ZNF30: variants seen among roughly 807,000 people sequenced by gnomAD.
ZNF30 encodes the protein zinc finger protein 30 (KOX 28).
In ZNF30, 15 loss-of-function variants were observed where a neutral mutation model predicts 13.2. The ratio of observed to expected loss-of-function variants is 1.13; its 90% CI spans 0.76 to 1.75. The LOEUF (loss-of-function observed/expected upper bound fraction) is 1.75, where lower values mean the gene tolerates loss of function less well. ZNF30 is among the 40% of genes most tolerant of loss of function. The pLI, the probability that ZNF30 is intolerant of heterozygous loss-of-function variation, is 0.00. For missense variants in ZNF30, 726 were observed against 757.0 expected (o/e 0.96, Z 0.48); for synonymous variants, 223 against 256.6 (o/e 0.87, Z 1.25).
At chr19:34,943,009 A>G (rs951223450) in intron 4 of ZNF30, among the ~76,000 whole-genome samples, 1 of 152,102 alleles carries the variant, frequency 6.6e-6, no homozygotes, top group Non-Finnish European at 1.5e-5. Context: ...ATCCACACCT[A>G]AATGAAAACT....
chr19:34,925,513 C>T (rs553606170), upstream of ZNF30, among the ~76,000 whole-genome samples: 5 of 152,192 alleles, frequency 3.3e-5, no homozygotes, highest in Admixed American at 6.5e-5. Flanking sequence ...TGTCTTCTTC[C>T]GCCAACATGT....
chr19:34,929,620 A>G (rs1012049647), intron 1 of ZNF30, among the ~76,000 whole-genome samples: 3 of 152,172 alleles, frequency 2.0e-5, no homozygotes, highest in East Asian at 1.9e-4. Flanking sequence ...GTGCAACCCA[A>G]TTTGAGACCT....
chr19:34,930,955 A>T (rs2012415131), intron 2 of ZNF30, among the ~76,000 whole-genome samples: 1 of 152,078 alleles, frequency 6.6e-6, no homozygotes, highest in Admixed American at 6.5e-5. Flanking sequence ...AGATGAACAG[A>T]TTACCAGAAC....
intron 1 of ZNF30, among the ~76,000 whole-genome samples, chr19:34,928,074 G>C (rs1003918188): frequency 6.6e-6 from 1 of 151,522 alleles, no homozygotes; most frequent in South Asian, 2.1e-4. Flanking sequence ...GCATGGTGGC[G>C]TGCGCTTGTA....
At chr19:34,932,766 A>G (rs1218747740) in intron 3 of ZNF30, among the ~76,000 whole-genome samples, 3 of 150,660 alleles carry the variant, frequency 2.0e-5, no homozygotes, top group African/African-American at 4.9e-5. Flanking sequence ...GTTCTCAATC[A>G]CAATGTCATA....
intron 4 of ZNF30, among the ~76,000 whole-genome samples, chr19:34,934,286 G>A (rs2012610924): frequency 6.6e-6 from 1 of 152,134 alleles, no homozygotes. Flanking sequence ...TTTTGAGTGA[G>A]ACAGTCTTCT....
intron 4 of ZNF30, among the ~76,000 whole-genome samples, chr19:34,940,667 CAAAAAAA>C (rs59553578): frequency 0.015 from 943 of 63,994 alleles, 10 homozygotes; most frequent in African/African-American, 0.043. Flanking sequence ...GACTCCGTCT[CAAAAAAA>C]AAAAAAAAAA....
At chr19:34,941,036 T>G (rs2013020319) in intron 4 of ZNF30, among the ~76,000 whole-genome samples, 1 of 152,246 alleles carries the variant, frequency 6.6e-6, no homozygotes, top group African/African-American at 2.4e-5. Flanking sequence ...ATAATATTTC[T>G]TGCTTGAAAG....
At chr19:34,928,252 T>TATATATAGATAG (rs1325117057) in intron 1 of ZNF30, among the ~76,000 whole-genome samples, 30 of 56,564 alleles carry the variant, frequency 5.3e-4, no homozygotes, top group African/African-American at 1.7e-3. Context: ...TATATATATA[T>TATATATAGATAG]ATAGATAGAT....
Position 34,933,674 on chromosome 19 carries a change from G to A in ZNF30, c.207G>A (p.Trp69Ter), listed in dbSNP as rs1214648860. ...ATGTGATCGCCTTATTGGAACAATG[G>A]AAAGAGCCTGAAGTGACAGTGAGGA... is the stretch of plus-strand genomic sequence containing the variant. ...KPHVIALLEQ[W>*]KEPEVTVRKD... Residue 69 changes from tryptophan (W) to a stop codon, truncating the protein, a stop_gained, in exon 4 of 5, where the codon TGG becomes TGA. Transcript: ENST00000601142. LOFTEE classifies it low-confidence loss of function (END_TRUNC). 15 of 1,599,944 alleles carry A rather than the reference G, an allele frequency of 9.4e-6. No homozygotes were observed. The highest frequency in any genetic ancestry group is 1.2e-5 in the Non-Finnish European group (14 of 1,172,998).
chr19:34,926,794 C>A (rs995987150), upstream of ZNF30: 4 of 395,706 alleles, frequency 1.0e-5, no homozygotes, highest in Non-Finnish European at 1.8e-5. Context: ...CCTCAGGTGT[C>A]AGACGCCCCA....
At chr19:34,935,700 G>GTTTTTTTTTT (rs142285130) in intron 4 of ZNF30, among the ~76,000 whole-genome samples, 5 of 84,218 alleles carry the variant, frequency 5.9e-5, no homozygotes, top group Non-Finnish European at 6.7e-5. Context: ...GTTGTCTATA[G>GTTTTTTTTTT]TTTTTTTTTT....
intron 1 of ZNF30, among the ~76,000 whole-genome samples, chr19:34,928,132 G>A (rs1250235603): frequency 6.6e-6 from 1 of 150,776 alleles, no homozygotes; most frequent in East Asian, 1.9e-4. Context: ...TTGAAGCTGG[G>A]AGGCGGCGGA....
intron 4 of ZNF30, among the ~76,000 whole-genome samples, chr19:34,939,951 A>C (rs960418376): frequency 6.6e-6 from 1 of 152,350 alleles, no homozygotes; most frequent in East Asian, 1.9e-4. Context: ...GTTTTATAAA[A>C]AGGTGTAGTA....
chr19:34,926,577 TTC>T (rs2151659671), upstream of ZNF30, among the ~76,000 whole-genome samples: 1 of 152,372 alleles, frequency 6.6e-6, no homozygotes, highest in South Asian at 2.1e-4. Context: ...CCTATTAATA[TTC>T]TGTTAAATAA....
At position 34,944,150 on chromosome 19, in the gene ZNF30, C is replaced by A; in HGVS notation, c.1184C>A (p.Thr395Asn). 6.2e-7 allele frequency: 1 copy of A among 1,613,824 alleles called. No homozygotes were observed. The highest frequency in any genetic ancestry group is 8.5e-7 in the Non-Finnish European group (1 of 1,179,758). ...SYLVQHGRLH[T>N]GEKPYECKEC... Reference sequence around the variant, plus strand: ...CTTGTTCAACATGGAAGACTTCACACTGGCGAGAAGCCCTATGAATGTAAG... The same window carrying A: ...CTTGTTCAACATGGAAGACTTCACAATGGCGAGAAGCCCTATGAATGTAAG... The change falls in exon 5 of 5, where the codon ACT becomes AAT. Residue 395 changes from threonine (T) to asparagine (N), a missense_variant. Thr to Asn is a moderately conservative substitution (Grantham distance 65). Transcript: ENST00000601142.
rs1478698186 is a variant in ZNF30, at chr19:34,929,953, C to G, written c.6C>G (p.Ala2=). 5 of 1,607,034 alleles carry G rather than the reference C, an allele frequency of 3.1e-6. No individual in the cohort carries two copies. Among genetic ancestry groups the G allele is most frequent in the Non-Finnish European group, 4.3e-6 (5 of 1,176,370 alleles). The part of the protein sequence containing the change: M[A]HKYVGLQYHG... ...GTTCTTACAATTCTCAAAGCATGGC[C>G]CATGTAAGTTGGTGTTTCTTCTTGA... is the stretch of plus-strand genomic sequence containing the variant. The change falls in exon 2 of 5, where the codon GCC becomes GCG. Residue 2 remains alanine, a synonymous_variant. Transcript: ENST00000601142.
At chr19:34,935,892 C>G (rs1315542953) in intron 4 of ZNF30, among the ~76,000 whole-genome samples, 2 of 152,046 alleles carry the variant, frequency 1.3e-5, no homozygotes, top group Non-Finnish European at 2.9e-5. Context: ...ACTCACAGTT[C>G]CATGTGGCTG....
chr19:34,932,723 C>T (rs1403675198), intron 3 of ZNF30, among the ~76,000 whole-genome samples: 3 of 151,960 alleles, frequency 2.0e-5, no homozygotes, highest in East Asian at 3.9e-4. Flanking sequence ...GTAGCAGAAA[C>T]TTGAACCCAG....
Sources: allele counts gnomAD v4.1 joint callset (sites outside exome capture counted in the v4.1 genomes callset), GRCh38; gene constraint gnomAD v4.1.1; transcripts MANE v1.5; gene names NCBI Gene and HGNC (gene_info 2026-07-23, HGNC 2026-07-21).